The following DCC variants were observed in gnomAD, a reference collection of about 807,000 sequenced individuals.
DCC encodes DCC netrin 1 receptor.
A neutral mutation model predicts 172.5 loss-of-function variants in DCC; 58 were observed. That is an observed-to-expected ratio of 0.34 (90% confidence interval 0.27 to 0.42). DCC has a LOEUF of 0.42. Among genes scored for constraint, DCC ranks in the 10% least tolerant of loss-of-function variants. DCC has a pLI of 1.00. For missense variants in DCC, 1,740 were observed against 1,791.0 expected, an observed-to-expected ratio of 0.97 and a Z score of 0.51; for synonymous variants, 709 against 644.5, an observed-to-expected ratio of 1.10 and a Z score of -1.52.
chr18:52,459,597 A>C (rs965353654), intron 1 of DCC, among the ~76,000 whole-genome samples: 1 of 151,828 alleles, frequency 6.6e-6, no homozygotes, highest in Non-Finnish European at 1.5e-5. Context: ...CCTCCCCAGT[A>C]GCTGGGACTA....
intron 2 of DCC, among the ~76,000 whole-genome samples, chr18:52,839,302 C>T (rs754486285): frequency 8.5e-5 from 13 of 152,100 alleles, no homozygotes; most frequent in South Asian, 4.1e-4. Context: ...TGTGCATGTG[C>T]GTGCTGGAGT....
intron 1 of DCC, among the ~76,000 whole-genome samples, chr18:52,611,892 T>C (rs974714976): frequency 1.3e-5 from 2 of 152,206 alleles, no homozygotes; most frequent in Admixed American, 1.3e-4. Flanking sequence ...ATGAAGAATA[T>C]AAATGATTAC....
At chr18:52,927,907 G>T (rs2040244491) in intron 5 of DCC, among the ~76,000 whole-genome samples, 1 of 151,970 alleles carries the variant, frequency 6.6e-6, no homozygotes, top group Non-Finnish European at 1.5e-5. Flanking sequence ...CAACAATCCT[G>T]TTATTAGGTA....
chr18:52,458,075 C>T (rs1988514102), intron 1 of DCC, among the ~76,000 whole-genome samples: 1 of 152,142 alleles, frequency 6.6e-6, no homozygotes, highest in East Asian at 1.9e-4. Flanking sequence ...GAGACAAGCC[C>T]AGCACTGGCA....
chr18:52,394,260 G>A (rs1237376084), intron 1 of DCC, among the ~76,000 whole-genome samples: 2 of 151,752 alleles, frequency 1.3e-5, no homozygotes, highest in Non-Finnish European at 1.5e-5. Context: ...ACAGAATTAG[G>A]ATGATGATTA....
chr18:52,452,363 G>A (rs968689108), intron 1 of DCC, among the ~76,000 whole-genome samples: 8 of 152,132 alleles, frequency 5.3e-5, no homozygotes, highest in African/African-American at 1.7e-4. Flanking sequence ...TATGCATTAT[G>A]TGTCTTTTTC....
intron 5 of DCC, among the ~76,000 whole-genome samples, chr18:53,010,586 T>A (rs963568363): frequency 6.6e-6 from 1 of 151,334 alleles, no homozygotes; most frequent in South Asian, 2.1e-4. Flanking sequence ...TAGGTGTACA[T>A]ATTCAAATTA....
chr18:52,982,774 A>C (rs1228674746), intron 5 of DCC, among the ~76,000 whole-genome samples: 1 of 152,182 alleles, frequency 6.6e-6, no homozygotes. Flanking sequence ...TAGAAGAGGG[A>C]TAATTTCCCT....
chr18:53,521,868 T>C (rs919056718), intron 27 of DCC, among the ~76,000 whole-genome samples: 1 of 152,094 alleles, frequency 6.6e-6, no homozygotes, highest in Non-Finnish European at 1.5e-5. Flanking sequence ...AAAAAATATA[T>C]AGAGACAAAT....
At chr18:52,954,281 A>G (rs1337589079) in intron 5 of DCC, among the ~76,000 whole-genome samples, 3 of 152,342 alleles carry the variant, frequency 2.0e-5, no homozygotes, top group Admixed American at 2.0e-4. Flanking sequence ...AATTTTCAGT[A>G]TACTAGAAAA....
At chr18:52,858,736 A>C (rs758567026) in intron 2 of DCC, among the ~76,000 whole-genome samples, 16 of 152,206 alleles carry the variant, frequency 1.1e-4, no homozygotes, top group Non-Finnish European at 1.9e-4. Context: ...AAGGTATAAG[A>C]TGTGAGCCTT....
intron 14 of DCC, 64 bp from the exon 15 acceptor site, chr18:53,339,641 CTTAAATGG>C: frequency 8.7e-7 from 1 of 1,152,238 alleles, no homozygotes; most frequent in Non-Finnish European, 1.3e-6. Context: ...ATTTCTCTTG[CTTAAATGG>C]TGTTCTGCCG....
chr18:53,149,357 C>G lies in DCC; in HGVS notation c.1262-7999C>G, dbSNP rs566106188. Among the ~76,000 whole-genome samples, 8 of 152,328 alleles carry G rather than the reference C, an allele frequency of 5.3e-5. No homozygotes were observed. In the East Asian group the frequency reaches 1.5e-3, roughly 29 times the overall value. ...CACTTCTCATTATCACTTAACAACT[C>G]TGTACACTAAATATTTTGTATCCAC... On this transcript the variant is annotated intron_variant, in intron 7 of 28. Coordinates refer to ENST00000442544, the MANE Select transcript of DCC (RefSeq NM_005215.4).
intron 7 of DCC, among the ~76,000 whole-genome samples, chr18:53,085,279 A>G (rs901906299): frequency 6.6e-6 from 1 of 152,188 alleles, no homozygotes; most frequent in Non-Finnish European, 1.5e-5. Context: ...AAACAAGACC[A>G]CATAGAAGAA....
At chr18:53,155,267 C>T (rs774571956) in intron 7 of DCC, among the ~76,000 whole-genome samples, 10 of 151,926 alleles carry the variant, frequency 6.6e-5, no homozygotes, top group Non-Finnish European at 1.0e-4. Flanking sequence ...CTCAGCCAGT[C>T]GCTATACAAA....
chr18:53,036,267 T>C (rs2042090928), intron 5 of DCC, among the ~76,000 whole-genome samples: 1 of 152,050 alleles, frequency 6.6e-6, no homozygotes, highest in African/African-American at 2.4e-5. Flanking sequence ...AATGCTTGTT[T>C]TGAAAACTTG....
intron 2 of DCC, among the ~76,000 whole-genome samples, chr18:52,781,546 T>TA (rs1046328428): frequency 4.6e-5 from 7 of 152,208 alleles, no homozygotes; most frequent in Admixed American, 3.3e-4. Context: ...TCAAGATGAG[T>TA]AAAAAGAGTG....
intron 5 of DCC, among the ~76,000 whole-genome samples, chr18:52,977,917 A>G (rs1234220198): frequency 6.6e-6 from 1 of 151,862 alleles, no homozygotes. Flanking sequence ...AGAAAAAGAA[A>G]AAAAAAGCAT....
At chr18:53,230,644 G>A (rs2056106476) in intron 12 of DCC, among the ~76,000 whole-genome samples, 1 of 151,942 alleles carries the variant, frequency 6.6e-6, no homozygotes, top group Non-Finnish European at 1.5e-5. Flanking sequence ...CTAAATTGTA[G>A]TATAATAGGC....
Sources: allele counts gnomAD v4.1 joint callset (sites outside exome capture counted in the v4.1 genomes callset), GRCh38; gene constraint gnomAD v4.1.1; transcripts MANE v1.5; gene names NCBI Gene and HGNC (gene_info 2026-07-23, HGNC 2026-07-21).